Variants in ULK4 observed in about 807,000 individuals in gnomAD.
ULK4 encodes the protein inactive serine/threonine-protein kinase ULK4.
ULK4 carries 133 observed loss-of-function variants against 160.6 expected under a neutral mutation model. That is an observed-to-expected ratio of 0.83 (90% CI 0.72 to 0.96). The LOEUF (loss-of-function observed/expected upper bound fraction) is 0.96, where lower values mean the gene tolerates loss of function less well. Ranked by LOEUF, ULK4 falls within the 40% of genes least tolerant of loss-of-function variation. ULK4 has a pLI of 0.00. For synonymous variants in ULK4, 534 were observed against 539.8 expected (o/e 0.99, Z 0.15); for missense variants, 1,580 against 1,499.5 (o/e 1.05, Z -0.89).
chr3:41,646,129 G>T (rs797013200), intron 30 of ULK4, among the ~76,000 whole-genome samples: 1 of 152,128 alleles, frequency 6.6e-6, no homozygotes, highest in South Asian at 2.1e-4. Flanking sequence ...ACACTGATGG[G>T]TCTTGACTCT....
At chr3:41,728,826 G>C (rs1559512145) in intron 22 of ULK4, among the ~76,000 whole-genome samples, 1 of 151,786 alleles carries the variant, frequency 6.6e-6, no homozygotes, top group African/African-American at 2.4e-5. Context: ...AAAATGAAAA[G>C]ATATATATAT....
intron 2 of ULK4, among the ~76,000 whole-genome samples, chr3:41,942,604 G>C (rs1173048911): frequency 6.6e-6 from 1 of 151,812 alleles, no homozygotes; most frequent in Non-Finnish European, 1.5e-5. Context: ...GATCACCTGA[G>C]GTCAGGAGTT....
intron 32 of ULK4, among the ~76,000 whole-genome samples, chr3:41,539,262 C>T (rs2086617825): frequency 6.6e-6 from 1 of 152,018 alleles, no homozygotes; most frequent in Non-Finnish European, 1.5e-5. Context: ...TAGCATAAAA[C>T]CAGCGATAAT....
At chr3:41,418,443 C>T (rs982613262) in intron 34 of ULK4, among the ~76,000 whole-genome samples, 7 of 151,542 alleles carry the variant, frequency 4.6e-5, no homozygotes, top group Non-Finnish European at 1.0e-4. Context: ...TAAAAGTCCA[C>T]GTAGAAGTGG....
chr3:41,838,248 A>C (rs2041815623), intron 17 of ULK4, among the ~76,000 whole-genome samples: 1 of 152,236 alleles, frequency 6.6e-6, no homozygotes, highest in Non-Finnish European at 1.5e-5. Context: ...AGGATTTCTT[A>C]CTGCTATTAA....
chr3:41,488,590 T>C lies in ULK4; in HGVS notation c.3227-25337A>G, dbSNP rs144494203. Among the ~76,000 whole-genome samples, 109 of 152,342 alleles carry C rather than the reference T, an allele frequency of 7.2e-4. No homozygotes were observed. In the East Asian group the frequency reaches 0.017, roughly 24 times the overall value. ...TGCAAAGAATTAAAAAGAAGTAGGATTGACAGTACTTCAAGCATTTTAAAT... is the reference window on the plus strand; with the variant it reads ...TGCAAAGAATTAAAAAGAAGTAGGACTGACAGTACTTCAAGCATTTTAAAT... On this transcript the variant is annotated intron_variant, in intron 32 of 36. Coordinates refer to ENST00000301831, the MANE Select transcript of ULK4 (RefSeq NM_017886.4).
intron 2 of ULK4, among the ~76,000 whole-genome samples, chr3:41,946,226 A>G (rs1434349503): frequency 6.6e-6 from 1 of 152,252 alleles, no homozygotes; most frequent in East Asian, 1.9e-4. Flanking sequence ...AGGAATAACT[A>G]CAATACTTGC....
intron 32 of ULK4, among the ~76,000 whole-genome samples, chr3:41,529,873 G>A (rs1374153827): frequency 6.6e-6 from 1 of 152,152 alleles, no homozygotes; most frequent in Non-Finnish European, 1.5e-5. Flanking sequence ...AGTGAAAGAA[G>A]CCAGACACAA....
chr3:41,683,796 ACT>A (rs747620671), intron 27 of ULK4, among the ~76,000 whole-genome samples: 4 of 151,332 alleles, frequency 2.6e-5, no homozygotes, highest in Non-Finnish European at 5.9e-5. Context: ...CTGGTAGGAA[ACT>A]CTGTCTGGCA....
chr3:41,781,155 T>C (rs2039827180), intron 21 of ULK4, among the ~76,000 whole-genome samples: 1 of 152,102 alleles, frequency 6.6e-6, no homozygotes, highest in Non-Finnish European at 1.5e-5. Context: ...TTTACCTATA[T>C]TTGCAAACAG....
chr3:41,265,325 T>C (rs1256652381), intron 35 of ULK4, among the ~76,000 whole-genome samples: 1 of 152,244 alleles, frequency 6.6e-6, no homozygotes, highest in Non-Finnish European at 1.5e-5. Context: ...GGGCCCTTGC[T>C]GAGCATGAGT....
At chr3:41,356,851 T>C (rs933467529) in intron 35 of ULK4, among the ~76,000 whole-genome samples, 11 of 151,814 alleles carry the variant, frequency 7.2e-5, no homozygotes, top group Non-Finnish European at 1.3e-4. Flanking sequence ...GCCTGAGAAG[T>C]GGGGTGCAAG....
chr3:41,774,545 A>G (rs1195626610), intron 21 of ULK4, among the ~76,000 whole-genome samples: 1 of 148,598 alleles, frequency 6.7e-6, no homozygotes, highest in Admixed American at 6.6e-5. Flanking sequence ...ACCAGTTAGA[A>G]TGGCGATCAT....
intron 35 of ULK4, 78 bp downstream of exon 35, chr3:41,398,001 C>A: frequency 6.8e-7 from 1 of 1,474,348 alleles, no homozygotes; most frequent in Non-Finnish European, 9.1e-7. Context: ...GAAATTAGGT[C>A]CAAGAAATGG....
chr3:41,641,893 G>A (rs889510268), intron 30 of ULK4, among the ~76,000 whole-genome samples: 1 of 107,698 alleles, frequency 9.3e-6, no homozygotes, highest in Admixed American at 1.1e-4. Context: ...TTTTTTCTTT[G>A]AGACGGAGTT....
chr3:41,918,922 A>T (rs1319726941), intron 6 of ULK4, among the ~76,000 whole-genome samples: 1 of 152,132 alleles, frequency 6.6e-6, no homozygotes, highest in Admixed American at 6.5e-5. Flanking sequence ...AATAATTCTA[A>T]TCTCAACTAC....
At chr3:41,297,123 T>G (rs2079684592) in intron 35 of ULK4, among the ~76,000 whole-genome samples, 1 of 152,214 alleles carries the variant, frequency 6.6e-6, no homozygotes, top group Admixed American at 6.5e-5. Context: ...TTTGCTTCAC[T>G]GAAGCCCATC....
At chr3:41,279,200 C>T (rs548272707) in intron 35 of ULK4, among the ~76,000 whole-genome samples, 1 of 133,812 alleles carries the variant, frequency 7.5e-6, no homozygotes, top group East Asian at 2.3e-4. Context: ...ATATCAATGA[C>T]TGAAGAGCAA....
chr3:41,668,794 A>T (rs1317321295), intron 29 of ULK4, among the ~76,000 whole-genome samples: 1 of 152,214 alleles, frequency 6.6e-6, no homozygotes, highest in African/African-American at 2.4e-5. Context: ...TTTTGACTTT[A>T]TTAGAATACC....
Sources: allele counts gnomAD v4.1 joint callset (sites outside exome capture counted in the v4.1 genomes callset), GRCh38; gene constraint gnomAD v4.1.1; transcripts MANE v1.5; gene names NCBI Gene and HGNC (gene_info 2026-07-23, HGNC 2026-07-21).